Variants in FBRSL1 observed in about 807,000 individuals in gnomAD.
The protein encoded by FBRSL1 is fibrosin like 1.
A neutral mutation model predicts 89.6 loss-of-function variants in FBRSL1; 51 were observed. The observed-to-expected ratio is 0.57, with a 90% CI of 0.45 to 0.72. FBRSL1 has a LOEUF of 0.72. FBRSL1 is among the 30% of genes least tolerant of loss of function. The probability of loss-of-function intolerance (pLI) is 0.00; values close to 1 mark genes in which losing one functional copy is unlikely to be tolerated. For synonymous variants in FBRSL1, 779 were observed against 681.1 expected (o/e 1.14, Z -2.24); for missense variants, 1,618 against 1,451.8 (o/e 1.11, Z -1.86).
intron 4 of FBRSL1, among the ~76,000 whole-genome samples, chr12:132,529,566 G>A (rs887821553): frequency 1.5e-4 from 20 of 135,164 alleles, no homozygotes; most frequent in East Asian, 4.4e-4. Context: ...CCCTGGGCTC[G>A]GCTCTGCCAC....
chr12:132,583,507 C>A lies in FBRSL1; in HGVS notation c.2738C>A (p.Ala913Asp). 9.6e-7 allele frequency: 1 copy of A among 1,043,154 alleles called. No homozygotes were observed. The highest frequency in any genetic ancestry group is 1.2e-6 in the Non-Finnish European group (1 of 866,812). 64.6% of individuals were successfully genotyped at this position (1,043,154 alleles called of 1,614,324 possible). The change falls in exon 19 of 19, where the codon GCC becomes GAC. Residue 913 changes from alanine to aspartate, a missense_variant. Transcript: ENST00000680143. ...ERARAPHLPP[A>D]APALDGALLP... is the part of the protein sequence containing the mutation. Reference sequence around the variant, plus strand: ...GCGCGGGCCCCGCACCTGCCGCCCGCCGCCCCCGCCTTGGACGGCGCGCTG... The same window carrying A: ...GCGCGGGCCCCGCACCTGCCGCCCGACGCCCCCGCCTTGGACGGCGCGCTG...
At chr12:132,505,960 G>C (rs531925479) in intron 1 of FBRSL1, among the ~76,000 whole-genome samples, 4 of 152,264 alleles carry the variant, frequency 2.6e-5, no homozygotes, top group Admixed American at 1.3e-4. Context: ...TGCAGTGAGC[G>C]TGGCTGCAGT....
chr12:132,548,353 G>A (rs1420007435), intron 5 of FBRSL1, among the ~76,000 whole-genome samples: 1 of 152,184 alleles, frequency 6.6e-6, no homozygotes, highest in Non-Finnish European at 1.5e-5. Flanking sequence ...CCAGCTCCTG[G>A]GCAGCAGAGG....
chr12:132,575,675 T>A (rs1182996078), intron 14 of FBRSL1, among the ~76,000 whole-genome samples: 1 of 152,232 alleles, frequency 6.6e-6, no homozygotes, highest in African/African-American at 2.4e-5. Flanking sequence ...CGGGGCATGG[T>A]TGCTCCACAG....
Position 132,499,436 on chromosome 12 carries a change from C to T in FBRSL1, c.291+8575C>T, listed in dbSNP as rs540574485. 8.3e-4 allele frequency among the ~76,000 whole-genome samples: 126 copies of T among 152,324 alleles called. No homozygotes were observed. Among genetic ancestry groups the T allele is most frequent in the African/African-American group, 2.9e-3 (120 of 41,566 alleles). ...GACTTTATAAGCATTTATTGAGCAC[C>T]GGCTGTGTGCCAGGCCCTGGGCCGG... On this transcript the variant is annotated intron_variant, in intron 1 of 18. Coordinates refer to ENST00000680143, the MANE Select transcript of FBRSL1 (RefSeq NM_001367871.1). This position sits in a 1 kb window ranked among gnomAD's most constrained non-coding sequence, Gnocchi z 4.3.
chr12:132,554,040 T>A (rs1019084917), intron 5 of FBRSL1: 5 of 152,240 alleles, frequency 3.3e-5, no homozygotes, highest in African/African-American at 1.2e-4. Flanking sequence ...GATGTCCCCG[T>A]CACAGCAAAG....
In FBRSL1 at chr12:132,583,796, CCTCTCCGAGCGGAGCGCACCGCTGTCCGT is replaced by C. The variant is rs1353328867; in HGVS notation, c.*25_*53del. 8.3e-7 allele frequency: 1 copy of C among 1,200,666 alleles called. No homozygotes were observed. Among genetic ancestry groups the C allele is most frequent in the Admixed American group, 4.4e-5 (1 of 22,858 alleles). 74.4% of individuals were successfully genotyped at this position (1,200,666 alleles called of 1,614,324 possible). ...CGCGGTAGCCCCGGGGCCGCAGACG[CCTCTCCGAGCGGAGCGCACCGCTGTCCGT>C]CTCTCCATCAGTTCCTAGAACTCAA... On this transcript the variant is annotated 3_prime_UTR_variant, in exon 19 of 19. Transcript: ENST00000680143.
intron 4 of FBRSL1, among the ~76,000 whole-genome samples, chr12:132,533,758 C>T (rs919023726): frequency 2.6e-5 from 4 of 152,274 alleles, no homozygotes; most frequent in African/African-American, 4.8e-5. Context: ...GGCTCCATGC[C>T]AGGCACTGGG....
At chr12:132,560,414 C>T (rs1179708043) in intron 5 of FBRSL1, among the ~76,000 whole-genome samples, 1 of 151,668 alleles carries the variant, frequency 6.6e-6, no homozygotes, top group Non-Finnish European at 1.5e-5. Flanking sequence ...GGCGGGCGGG[C>T]GGGGGTGCGG....
chr12:132,512,954 G>T (rs998922274), intron 2 of FBRSL1, among the ~76,000 whole-genome samples: 2 of 152,200 alleles, frequency 1.3e-5, no homozygotes, highest in Non-Finnish European at 1.5e-5. Context: ...TGCGGTCGGG[G>T]TGCCGCCATG....
intron 14 of FBRSL1, among the ~76,000 whole-genome samples, chr12:132,575,042 A>T (rs776198220): frequency 1.4e-4 from 22 of 152,056 alleles, no homozygotes; most frequent in Non-Finnish European, 3.1e-4. Context: ...CCACCAGGCT[A>T]GGAGCTGCGG....
intron 5 of FBRSL1, among the ~76,000 whole-genome samples, chr12:132,559,580 G>A (rs1411164677): frequency 6.6e-6 from 1 of 152,038 alleles, no homozygotes; most frequent in African/African-American, 2.4e-5. Context: ...CGTAGAGACG[G>A]GCGGGGGTGG....
At chr12:132,552,762 CAGA>C (rs1228803449) in intron 5 of FBRSL1, 1 of 156,290 alleles carries the variant, frequency 6.4e-6, no homozygotes, top group African/African-American at 2.5e-5. Context: ...GCAGGACAGA[CAGA>C]AGGACGGATG....
rs988913615 is a variant in FBRSL1, at chr12:132,546,142, G to T, written c.616-1861G>T. The stretch of plus-strand genomic sequence containing the variant: ...CCGCAGGAGCTTGTGGCTTTCCCCT[G>T]CCCCACGTCCTGGTCTTTGCTTCCT... On this transcript the variant is annotated intron_variant, in intron 4 of 18. Coordinates refer to ENST00000680143, the MANE Select transcript of FBRSL1 (RefSeq NM_001367871.1). This position sits in a 1 kb window ranked among gnomAD's most constrained non-coding sequence, Gnocchi z 4.0. 1.3e-5 allele frequency among the ~76,000 whole-genome samples: 2 copies of T among 152,206 alleles called. No homozygotes were observed. Among genetic ancestry groups the T allele is most frequent in the East Asian group, 1.9e-4 (1 of 5,184 alleles).
chr12:132,508,882 G>GGCCTCCTGCCCAGGA (rs2034003580), intron 2 of FBRSL1, among the ~76,000 whole-genome samples: 2 of 152,272 alleles, frequency 1.3e-5, no homozygotes, highest in Non-Finnish European at 2.9e-5. Flanking sequence ...CCTGCCCAGG[G>GGCCTCCTGCCCAGGA]GCCTCCTGCC....
rs11146937 is a variant in FBRSL1, at chr12:132,564,811, A to T, written c.646-2670A>T. On this transcript the variant is annotated intron_variant, in intron 5 of 18. Coordinates refer to ENST00000680143, the MANE Select transcript of FBRSL1 (RefSeq NM_001367871.1). ...CGCCCGGCTAATTTTTTGTATTTTT[A>T]GTAGAGACGGGGTTTCACCGTGTTG... Among the ~76,000 whole-genome samples the T allele has an allele frequency of 4.0e-4, 41 of 101,960 alleles. 4 individuals carry two copies. The highest frequency in any genetic ancestry group is 1.5e-3 in the Admixed American group (11 of 7,318). The allele number at this position is 101,960 out of a possible 152,430, so 66.9% of individuals were successfully genotyped here.
intron 16 of FBRSL1, 32 bp downstream of exon 16, chr12:132,581,548 T>C (rs764894428): frequency 3.6e-4 from 563 of 1,547,728 alleles, no homozygotes; most frequent in Non-Finnish European, 4.8e-4. Context: ...CCACGCAGCC[T>C]GGCTGGTTCC....
At chr12:132,582,907 C>CG in intron 18 of FBRSL1, 64 bp from the exon 19 acceptor site, 1 of 1,277,668 alleles carries the variant, frequency 7.8e-7, no homozygotes, top group Non-Finnish European at 1.0e-6. Context: ...GGGAACATCC[C>CG]GGGGCTGCGC....
intron 5 of FBRSL1, 130 bp from the exon 6 acceptor site, chr12:132,567,351 G>A (rs865802215): frequency 1.3e-6 from 1 of 799,392 alleles, no homozygotes; most frequent in Non-Finnish European, 2.1e-6. Context: ...GTACACGGGG[G>A]CATCCACAAG....
Sources: gnomAD v4.1 joint callset for allele counts (sites outside exome capture counted in the v4.1 genomes callset) on GRCh38, gnomAD v4.1.1 for gene constraint, Gnocchi (gnomAD v3.1) non-coding constraint, MANE v1.5 for transcripts, NCBI Gene and HGNC (gene_info 2026-07-23, HGNC 2026-07-21) for gene names.